Variants in CEP112 observed in about 807,000 individuals in gnomAD.
CEP112 encodes centrosomal protein 112.
Under a neutral mutation model 153.0 loss-of-function variants are expected in CEP112, and 127 were observed. The observed-to-expected ratio is 0.83, with a 90% CI of 0.72 to 0.96. The LOEUF (loss-of-function observed/expected upper bound fraction) is 0.96. CEP112 is among the 40% of genes least tolerant of loss of function. The pLI is 0.00. For missense variants in CEP112, 1,089 were observed against 1,101.2 expected, an observed-to-expected ratio of 0.99 and a Z score of 0.16; for synonymous variants, 358 against 374.4, an observed-to-expected ratio of 0.96 and a Z score of 0.51.
intron 23 of CEP112, among the ~76,000 whole-genome samples, chr17:65,691,561 T>C (rs893793615): frequency 2.0e-5 from 3 of 152,188 alleles, no homozygotes; most frequent in Non-Finnish European, 4.4e-5. Flanking sequence ...TTAGACTTGA[T>C]CATAAATCTA....
At position 65,844,108 on chromosome 17, in the gene CEP112, A is replaced by G. The variant is rs148023439; in HGVS notation, c.2394+7696T>C. 1.9e-3 allele frequency among the ~76,000 whole-genome samples: 285 copies of G among 152,324 alleles called. 1 individual carries two copies. Among genetic ancestry groups the G allele is most frequent in the Non-Finnish European group, 2.3e-3 (158 of 68,022 alleles). ...TCCCGAAAATGAAATATAAATAAAT[A>G]ACAGGTAAATCCATTGTAAATGTTC... On this transcript the variant is annotated intron_variant, in intron 21 of 26. Coordinates refer to ENST00000535342, the MANE Select transcript of CEP112 (RefSeq NM_001199165.4).
At chr17:66,092,851 T>C (rs549790099) in intron 8 of CEP112, among the ~76,000 whole-genome samples, 3 of 152,276 alleles carry the variant, frequency 2.0e-5, no homozygotes, top group Admixed American at 1.3e-4. Flanking sequence ...AAATTAGGTA[T>C]AGAAGAAATG....
intron 12 of CEP112, chr17:66,043,108 T>C (rs1006353122): frequency 2.2e-5 from 22 of 978,876 alleles, no homozygotes; most frequent in African/African-American, 1.2e-4. Context: ...TAACCTACCA[T>C]AGAGGATCAT....
chr17:65,978,672 C>T (rs916023778), intron 17 of CEP112, among the ~76,000 whole-genome samples: 1 of 152,184 alleles, frequency 6.6e-6, no homozygotes, highest in South Asian at 2.1e-4. Context: ...CACTTCATTG[C>T]TAATGCAAAT....
At chr17:65,686,493 A>G (rs981726919) in intron 24 of CEP112, among the ~76,000 whole-genome samples, 3 of 152,212 alleles carry the variant, frequency 2.0e-5, no homozygotes, top group African/African-American at 7.2e-5. Context: ...ACCTTAAGTC[A>G]TATTTTACCA....
intron 18 of CEP112, among the ~76,000 whole-genome samples, chr17:65,945,395 T>A (rs1442695986): frequency 6.6e-6 from 1 of 152,210 alleles, no homozygotes; most frequent in Non-Finnish European, 1.5e-5. Flanking sequence ...GTAGGGCACA[T>A]ATGTAGGTGC....
chr17:65,773,492 C>A lies in CEP112; in HGVS notation c.2395-22768G>T, dbSNP rs1484201217. On this transcript the variant is annotated intron_variant, in intron 21 of 26. Transcript: ENST00000535342. ...GGTGATGGTATACAATTCTGTAAAT[C>A]TGTTAAAAATCATTGAACTGGACAC... Among the ~76,000 whole-genome samples, 5 of 152,090 alleles carry A rather than the reference C, an allele frequency of 3.3e-5. No homozygotes were observed. The East Asian group carries it at 9.6e-4, about 29-fold the overall frequency.
chr17:65,836,968 G>A (rs1397018880), intron 21 of CEP112, among the ~76,000 whole-genome samples: 3 of 152,160 alleles, frequency 2.0e-5, no homozygotes. Flanking sequence ...ACGCCTGACT[G>A]GTTTTCGTAT....
intron 16 of CEP112, among the ~76,000 whole-genome samples, chr17:66,014,867 G>A (rs925768029): frequency 3.3e-5 from 5 of 152,054 alleles, no homozygotes; most frequent in African/African-American, 1.2e-4. Flanking sequence ...CTACCCCCTT[G>A]GTGGCAGATA....
At chr17:65,970,265 T>C (rs1044923735) in intron 17 of CEP112, among the ~76,000 whole-genome samples, 8 of 152,026 alleles carry the variant, frequency 5.3e-5, no homozygotes, top group African/African-American at 1.9e-4. Context: ...TGCACACATA[T>C]TACATGCATG....
chr17:66,026,265 G>A (rs917988397), intron 16 of CEP112, among the ~76,000 whole-genome samples: 1 of 152,032 alleles, frequency 6.6e-6, no homozygotes, highest in Non-Finnish European at 1.5e-5. Flanking sequence ...GCTTGTACCC[G>A]TTACATTCAC....
intron 21 of CEP112, among the ~76,000 whole-genome samples, chr17:65,818,149 C>A (rs2056365354): frequency 6.6e-6 from 1 of 151,584 alleles, no homozygotes; most frequent in Non-Finnish European, 1.5e-5. Flanking sequence ...ACAAAGTAAC[C>A]CAGAAGGTCA....
At chr17:65,913,422 G>T in intron 19 of CEP112, 1 of 817,456 alleles carries the variant, frequency 1.2e-6, no homozygotes, top group Non-Finnish European at 1.5e-6. Flanking sequence ...ATACATTTTA[G>T]CACAGAAAAT....
At chr17:66,175,295 T>A (rs1169137186) in intron 3 of CEP112, 79 bp from the exon 4 acceptor site, 3 of 1,009,614 alleles carry the variant, frequency 3.0e-6, no homozygotes, top group Non-Finnish European at 2.7e-6. Flanking sequence ...AAGTTTCAAG[T>A]TTGAAAACAG....
At chr17:65,744,256 T>C (rs2051308761) in intron 22 of CEP112, among the ~76,000 whole-genome samples, 1 of 151,608 alleles carries the variant, frequency 6.6e-6, no homozygotes, top group South Asian at 2.1e-4. Context: ...TGTTTGTTTG[T>C]TTGTTTGTTT....
Position 65,852,002 on chromosome 17 carries a change from C to G in CEP112, c.2196G>C (p.Lys732Asn). The G allele has an allele frequency of 1.9e-6, 3 of 1,612,266 alleles. No homozygotes were observed. Among genetic ancestry groups the G allele is most frequent in the Non-Finnish European group, 2.5e-6 (3 of 1,179,610 alleles). Residue 732 changes from lysine (K) to asparagine (N), a missense_variant, in exon 21 of 27, where the codon AAG (lysine) becomes AAC (asparagine). Coordinates refer to ENST00000535342, the MANE Select transcript of CEP112 (RefSeq NM_001199165.4). Reference sequence around the variant, plus strand: ...TCACATTGATCAATTCTTCTCTCAACTTGTGAACCTGGGCCTCCATGTCGG... The same window carrying G: ...TCACATTGATCAATTCTTCTCTCAAGTTGTGAACCTGGGCCTCCATGTCGG... ...VIADMEAQVH[K>N]LREELINVNS... is the part of the protein sequence containing the mutation.
chr17:66,164,246 G>A (rs1372506409), intron 4 of CEP112, among the ~76,000 whole-genome samples: 1 of 152,126 alleles, frequency 6.6e-6, no homozygotes, highest in African/African-American at 2.4e-5. Context: ...AGTGTCCATT[G>A]TATAAAAGAT....
chr17:66,058,303 G>GACAAT (rs2066784720), intron 11 of CEP112, among the ~76,000 whole-genome samples: 1 of 151,896 alleles, frequency 6.6e-6, no homozygotes, highest in African/African-American at 2.4e-5. Flanking sequence ...GACTTGCTAG[G>GACAAT]TACACAATGT....
In CEP112 at chr17:65,773,948, G is replaced by T. The variant is rs61604618; in HGVS notation, c.2395-23224C>A. On this transcript the variant is annotated intron_variant, in intron 21 of 26. Transcript: ENST00000535342. ...AAAAAAATACAAAAATTAGCCAGGTGTGGTGGCACACGCCTGTAATCCCAG... is the reference window on the plus strand; with the variant it reads ...AAAAAAATACAAAAATTAGCCAGGTTTGGTGGCACACGCCTGTAATCCCAG... Among the ~76,000 whole-genome samples the T allele has an allele frequency of 9.6e-3, 1,462 of 152,146 alleles. 25 individuals are homozygous for T. Among genetic ancestry groups the T allele is most frequent in the African/African-American group, 0.033 (1,362 of 41,502 alleles).
Sources: allele counts gnomAD v4.1 joint callset (sites outside exome capture counted in the v4.1 genomes callset), GRCh38; gene constraint gnomAD v4.1.1; transcripts MANE v1.5; gene names NCBI Gene and HGNC (gene_info 2026-07-23, HGNC 2026-07-21).